Variants in IL1RAPL1 observed in about 807,000 individuals in gnomAD.
IL1RAPL1 encodes interleukin 1 receptor accessory protein like 1, also known as interleukin-1 receptor accessory protein-like 1.
IL1RAPL1 carries 3 observed loss-of-function variants against 48.4 expected under a neutral mutation model. The ratio of observed to expected loss-of-function variants is 0.06; its 90% CI spans 0.03 to 0.16. The LOEUF (loss-of-function observed/expected upper bound fraction) is 0.16. Ranked by LOEUF, IL1RAPL1 falls within the 10% of genes least tolerant of loss-of-function variation. The pLI, the probability that IL1RAPL1 is intolerant of heterozygous loss-of-function variation, is 1.00. For synonymous variants in IL1RAPL1, 185 were observed against 187.7 expected, an observed-to-expected ratio of 0.99 and a Z score of 0.12; for missense variants, 349 against 530.6, an observed-to-expected ratio of 0.66 and a Z score of 3.36.
intron 2 of IL1RAPL1, among the ~76,000 whole-genome samples, chrX:29,083,259 A>G (rs1218231141): frequency 1.8e-5 from 2 of 112,032 alleles, no homozygotes; most frequent in African/African-American, 6.5e-5. Context: ...TGAAAATTCC[A>G]GGAACTAAAA....
chrX:28,931,632 T>A (rs1026471642), intron 2 of IL1RAPL1, among the ~76,000 whole-genome samples: 6 of 112,187 alleles, frequency 5.3e-5, no homozygotes, highest in East Asian at 5.6e-4. Context: ...GTATCATTAA[T>A]TTAAAATGAT....
chrX:29,886,619 G>A (rs962537087), intron 6 of IL1RAPL1, among the ~76,000 whole-genome samples: 2 of 112,278 alleles, frequency 1.8e-5, no homozygotes, highest in African/African-American at 6.5e-5. Context: ...AATGACAATT[G>A]AATATGTTAA....
intron 5 of IL1RAPL1, among the ~76,000 whole-genome samples, chrX:29,506,423 T>C (rs867140759): frequency 6.3e-5 from 5 of 79,632 alleles, no homozygotes; most frequent in African/African-American, 1.8e-4. Flanking sequence ...CTCTTCTTCT[T>C]CTTCTCCTTC....
At chrX:28,790,330 A>C (rs945352923) in intron 2 of IL1RAPL1, among the ~76,000 whole-genome samples, 3 of 112,761 alleles carry the variant, frequency 2.7e-5, no homozygotes, top group Non-Finnish European at 5.6e-5. Flanking sequence ...GGACAAAAGC[A>C]TCTTTGGAGT....
At chrX:29,849,823 G>A (rs1014961458) in intron 6 of IL1RAPL1, among the ~76,000 whole-genome samples, 2 of 111,781 alleles carry the variant, frequency 1.8e-5, no homozygotes, top group Non-Finnish European at 3.8e-5. Flanking sequence ...CTTGCAAACC[G>A]TGAAAAGGAG....
intron 5 of IL1RAPL1, among the ~76,000 whole-genome samples, chrX:29,548,375 G>A (rs914381542): frequency 2.7e-5 from 3 of 111,880 alleles, no homozygotes; most frequent in Admixed American, 1.9e-4. Context: ...AGGTTGCACA[G>A]GTTTACGTTT....
chrX:28,770,923 T>G (rs1936300696), intron 1 of IL1RAPL1, among the ~76,000 whole-genome samples: 1 of 112,039 alleles, frequency 8.9e-6, no homozygotes, highest in Admixed American at 9.5e-5. Flanking sequence ...CAAAATATTG[T>G]TTTCCAGCCA....
chrX:28,997,434 T>G (rs779749983), intron 2 of IL1RAPL1, among the ~76,000 whole-genome samples: 1 of 111,693 alleles, frequency 9.0e-6, no homozygotes, highest in African/African-American at 3.3e-5. Flanking sequence ...TTCCACAGTT[T>G]AAATGAAATG....
intron 2 of IL1RAPL1, among the ~76,000 whole-genome samples, chrX:29,091,858 T>C (rs1013567234): frequency 1.8e-5 from 2 of 111,436 alleles, no homozygotes; most frequent in Non-Finnish European, 3.8e-5. Flanking sequence ...TTTTTAAATA[T>C]TGAGAAAATA....
chrX:29,295,982 AT>A (rs1470707097), intron 3 of IL1RAPL1, among the ~76,000 whole-genome samples: 1 of 111,726 alleles, frequency 9.0e-6, no homozygotes, highest in East Asian at 2.8e-4. Flanking sequence ...TAATTTAAGG[AT>A]TTCAAATTGA....
At chrX:28,909,393 A>G (rs1212330608) in intron 2 of IL1RAPL1, among the ~76,000 whole-genome samples, 3 of 111,635 alleles carry the variant, frequency 2.7e-5, no homozygotes, top group African/African-American at 9.7e-5. Context: ...AGCCTTGACC[A>G]TGCAGAAACA....
chrX:29,835,379 CT>C (rs1389135329), intron 6 of IL1RAPL1, among the ~76,000 whole-genome samples: 1 of 112,033 alleles, frequency 8.9e-6, no homozygotes, highest in East Asian at 2.8e-4. Flanking sequence ...GGTGAGTGAT[CT>C]TTTAATTGTG....
At chrX:29,504,609 G>A (rs1317868698) in intron 5 of IL1RAPL1, among the ~76,000 whole-genome samples, 1 of 111,642 alleles carries the variant, frequency 9.0e-6, no homozygotes, top group East Asian at 2.8e-4. Flanking sequence ...TCTTTTTACA[G>A]TCTTTTATTT....
At chrX:29,541,239 C>T (rs781375213) in intron 5 of IL1RAPL1, among the ~76,000 whole-genome samples, 60 of 111,703 alleles carry the variant, frequency 5.4e-4, no homozygotes, top group African/African-American at 1.8e-3. Context: ...GACACCATGT[C>T]ACACCAGTCA....
chrX:29,454,293 A>T (rs1934714214), intron 5 of IL1RAPL1, among the ~76,000 whole-genome samples: 1 of 112,249 alleles, frequency 8.9e-6, no homozygotes, highest in Non-Finnish European at 1.9e-5. Context: ...AAATATGTTC[A>T]TGTCTGTGTA....
intron 2 of IL1RAPL1, among the ~76,000 whole-genome samples, chrX:29,249,709 G>A (rs781317136): frequency 1.8e-5 from 2 of 111,547 alleles, no homozygotes; most frequent in Non-Finnish European, 3.8e-5. Flanking sequence ...TTACAATAGT[G>A]GAAAATGGGC....
At chrX:29,487,441 T>C (rs753679508) in intron 5 of IL1RAPL1, among the ~76,000 whole-genome samples, 79 of 111,794 alleles carry the variant, frequency 7.1e-4, no homozygotes, top group South Asian at 1.5e-3. Flanking sequence ...GGGAATCTTA[T>C]TCTTAAGTGT....
At chrX:28,911,798 A>C (rs1292128090) in intron 2 of IL1RAPL1, among the ~76,000 whole-genome samples, 1 of 109,300 alleles carries the variant, frequency 9.1e-6, no homozygotes, top group Non-Finnish European at 1.9e-5. Flanking sequence ...ATGGGGCTAG[A>C]AGGTATATTG....
chrX:29,785,224 A>G (rs1929465698), intron 6 of IL1RAPL1, among the ~76,000 whole-genome samples: 1 of 112,242 alleles, frequency 8.9e-6, no homozygotes, highest in Admixed American at 9.5e-5. Context: ...GGATATAAGA[A>G]TAGATAATAA....
Sources: allele counts gnomAD v4.1 joint callset (sites outside exome capture counted in the v4.1 genomes callset), GRCh38; gene constraint gnomAD v4.1.1; transcripts MANE v1.5; gene names NCBI Gene and HGNC (gene_info 2026-07-23, HGNC 2026-07-21).